The following HSPA12A variants were observed in gnomAD, a reference collection of about 807,000 sequenced individuals.
HSPA12A encodes the protein heat shock 70 kDa protein 12A.
In HSPA12A, 28 loss-of-function variants were observed where a neutral mutation model predicts 69.2. That is an observed-to-expected ratio of 0.40 (90% confidence interval 0.30 to 0.55). HSPA12A has a LOEUF of 0.55. Ranked by LOEUF, HSPA12A falls within the 20% of genes least tolerant of loss-of-function variation. The pLI, the probability that HSPA12A is intolerant of heterozygous loss-of-function variation, is 0.38. For missense variants in HSPA12A, 686 were observed against 900.7 expected, an observed-to-expected ratio of 0.76 and a Z score of 3.05; for synonymous variants, 345 against 370.5, an observed-to-expected ratio of 0.93 and a Z score of 0.79.
chr10:116,849,476 G>A, intron 1 of HSPA12A: 6 of 1,417,364 alleles, frequency 4.2e-6, no homozygotes, highest in Non-Finnish European at 5.6e-6. Context: ...CGCGAGATCT[G>A]GGGGTCGGGA....
rs371819716 is a variant in HSPA12A, at chr10:116,683,937, G to A, written c.689C>T (p.Ser230Leu). The change falls in exon 7 of 12, where the codon TCG becomes TTG. Residue 230 changes from serine to leucine, a missense_variant. By Grantham distance (145) the Ser-to-Leu change is moderately radical (BLOSUM62 -2). Transcript: ENST00000369209. ...YQAGLASPEN[S>L]EQLIIALEPE... ...CTCCAAGGCAATGATGAGCTGCTCC[G>A]AGTTCTCGGGGGAGGCCAGGCCTGC... is the stretch of plus-strand genomic sequence containing the variant. 1.3e-5 allele frequency: 21 copies of A among 1,581,104 alleles called. No individual in the cohort carries two copies. Among genetic ancestry groups the A allele is most frequent in the Non-Finnish European group, 1.7e-5 (20 of 1,155,856 alleles).
At chr10:116,754,706 T>C (rs1554888607) in intron 2 of HSPA12A, among the ~76,000 whole-genome samples, 3 of 152,228 alleles carry the variant, frequency 2.0e-5, no homozygotes, top group African/African-American at 7.2e-5. Flanking sequence ...TGACCGATCT[T>C]GTCAGTAATT....
upstream of HSPA12A, among the ~76,000 whole-genome samples, chr10:116,747,058 A>G (rs1167166770): frequency 6.6e-6 from 1 of 152,222 alleles, no homozygotes; most frequent in Non-Finnish European, 1.5e-5. Context: ...CTTGACCTCC[A>G]ACTGTCAGTG....
intron 2 of HSPA12A, among the ~76,000 whole-genome samples, chr10:116,765,102 C>T (rs997168389): frequency 5.3e-5 from 8 of 152,146 alleles, no homozygotes; most frequent in Admixed American, 1.3e-4. Flanking sequence ...TAAATGCATG[C>T]TACTGGGTAC....
intron 1 of HSPA12A, among the ~76,000 whole-genome samples, chr10:116,711,667 CT>C (rs371161580): frequency 3.2e-5 from 4 of 126,868 alleles, no homozygotes; most frequent in African/African-American, 3.0e-5. Context: ...CTTTTTTTTT[CT>C]TTTTTTTTTT....
At chr10:116,790,395 G>A (rs754605567) in intron 2 of HSPA12A, among the ~76,000 whole-genome samples, 7 of 151,836 alleles carry the variant, frequency 4.6e-5, no homozygotes, top group Admixed American at 3.3e-4. Flanking sequence ...AAGCCACCAC[G>A]CCCAGCCCCC....
At chr10:116,707,334 CA>C (rs782771185) in intron 1 of HSPA12A, 49 bp from the exon 2 acceptor site, 47 of 1,438,612 alleles carry the variant, frequency 3.3e-5, no homozygotes, top group Non-Finnish European at 4.1e-5. Flanking sequence ...TGGACTGACC[CA>C]GGGGGAAGAA....
At chr10:116,740,662 G>C (rs1276804872) in intron 1 of HSPA12A, among the ~76,000 whole-genome samples, 1 of 52,292 alleles carries the variant, frequency 1.9e-5, no homozygotes, top group Non-Finnish European at 4.3e-5. Context: ...GTGTGTGTGT[G>C]TGTGTGTGTG....
chr10:116,762,951 C>T (rs1290114608), intron 2 of HSPA12A, among the ~76,000 whole-genome samples: 7 of 152,164 alleles, frequency 4.6e-5, no homozygotes, highest in African/African-American at 1.7e-4. Flanking sequence ...TTGCCCTCAT[C>T]CTTATCTTGA....
At chr10:116,688,735 T>A (rs1849649746) in intron 6 of HSPA12A, among the ~76,000 whole-genome samples, 1 of 152,228 alleles carries the variant, frequency 6.6e-6, no homozygotes, top group Middle Eastern at 3.2e-3. Context: ...TGCGTCTCCA[T>A]GTTAGATGAG....
intron 1 of HSPA12A, among the ~76,000 whole-genome samples, chr10:116,720,817 A>G (rs1850753611): frequency 6.6e-6 from 1 of 152,236 alleles, no homozygotes; most frequent in South Asian, 2.1e-4. Context: ...CTTCCAGGAA[A>G]TAAAGGAAAA....
chr10:116,720,009 A>T (rs562225727), intron 1 of HSPA12A, among the ~76,000 whole-genome samples: 1 of 152,358 alleles, frequency 6.6e-6, no homozygotes, highest in South Asian at 2.1e-4. Context: ...GCTAATGAAT[A>T]GGAGTTTCTT....
At chr10:116,694,476 G>A (rs915883546) in intron 5 of HSPA12A, among the ~76,000 whole-genome samples, 5 of 152,130 alleles carry the variant, frequency 3.3e-5, no homozygotes, top group Non-Finnish European at 5.9e-5. Context: ...CTCTCTGGCT[G>A]AGCTGAGGAA....
At chr10:116,705,912 T>TC (rs1405674844) in intron 2 of HSPA12A, among the ~76,000 whole-genome samples, 95 of 150,366 alleles carry the variant, frequency 6.3e-4, no homozygotes, top group African/African-American at 1.9e-3. Flanking sequence ...TTTTTTTTTT[T>TC]TGAGACGGAG....
chr10:116,779,639 C>T (rs1170437873), intron 2 of HSPA12A, among the ~76,000 whole-genome samples: 1 of 152,114 alleles, frequency 6.6e-6, no homozygotes, highest in Non-Finnish European at 1.5e-5. Flanking sequence ...TGCCAGCCCG[C>T]GATGGAATCT....
chr10:116,683,328 T>TA (rs1187683984), intron 7 of HSPA12A: 1 of 152,484 alleles, frequency 6.6e-6, no homozygotes, highest in Non-Finnish European at 1.5e-5. Flanking sequence ...GAGCGTCACC[T>TA]AGGTCAGGAA....
intron 2 of HSPA12A, chr10:116,750,074 G>C: frequency 8.0e-6 from 3 of 374,576 alleles, no homozygotes; most frequent in Non-Finnish European, 1.5e-5. Flanking sequence ...AACTAACACA[G>C]AGAGTGTTTG....
chr10:116,784,032 A>G (rs1844521338), intron 2 of HSPA12A, among the ~76,000 whole-genome samples: 1 of 152,194 alleles, frequency 6.6e-6, no homozygotes, highest in Non-Finnish European at 1.5e-5. Context: ...TTACATAATT[A>G]CATCTATTTT....
chr10:116,770,075 G>A (rs1554890245), intron 2 of HSPA12A, among the ~76,000 whole-genome samples: 1 of 152,176 alleles, frequency 6.6e-6, no homozygotes, highest in Non-Finnish European at 1.5e-5. Context: ...CTTGGGGCAG[G>A]GTGCTGAACA....
Sources: gnomAD v4.1 joint callset for allele counts (sites outside exome capture counted in the v4.1 genomes callset) on GRCh38, gnomAD v4.1.1 for gene constraint, MANE v1.5 for transcripts, NCBI Gene and HGNC (gene_info 2026-07-23, HGNC 2026-07-21) for gene names.